The following SCHIP1 variants were observed in gnomAD, a reference collection of about 807,000 sequenced individuals.
The protein encoded by SCHIP1 is schwannomin-interacting protein 1.
Under a neutral mutation model 29.7 loss-of-function variants are expected in SCHIP1, and 8 were observed. That is an observed-to-expected ratio of 0.27 (90% CI 0.16 to 0.49). The LOEUF is 0.49. Among genes scored for constraint, SCHIP1 ranks in the 20% least tolerant of loss-of-function variants. The pLI, the probability that SCHIP1 is intolerant of heterozygous loss-of-function variation, is 0.99. For missense variants in SCHIP1, 193 were observed against 294.6 expected (o/e 0.66, Z 2.52); for synonymous variants, 76 against 94.9 (o/e 0.80, Z 1.16).
the SCHIP1 span, among the ~76,000 whole-genome samples, chr3:159,355,890 G>C: frequency 2.0e-5 from 3 of 152,078 alleles, no homozygotes; most frequent in African/African-American, 7.2e-5. Flanking sequence ...CTTTATTTTA[G>C]AAATTAGAAG....
At chr3:159,631,970 A>G in the SCHIP1 span, among the ~76,000 whole-genome samples, 2 of 152,126 alleles carry the variant, frequency 1.3e-5, no homozygotes, top group East Asian at 1.9e-4. Flanking sequence ...TCCTTAATGA[A>G]TATGTATTCT....
At chr3:159,402,689 C>A in the SCHIP1 span, among the ~76,000 whole-genome samples, 6 of 152,080 alleles carry the variant, frequency 3.9e-5, no homozygotes, top group African/African-American at 7.2e-5. Flanking sequence ...GGACAAAAAA[C>A]CAAACATTGC....
the SCHIP1 span, among the ~76,000 whole-genome samples, chr3:159,284,253 A>T: frequency 7.2e-5 from 11 of 152,290 alleles, no homozygotes; most frequent in African/African-American, 2.6e-4. Flanking sequence ...CTACAATATC[A>T]TAAGTAAATT....
the SCHIP1 span, among the ~76,000 whole-genome samples, chr3:159,445,045 G>A: frequency 6.6e-6 from 1 of 151,986 alleles, no homozygotes; most frequent in Non-Finnish European, 1.5e-5. Context: ...TTAAACTAAA[G>A]AGCTTCTGCA....
chr3:159,376,183 G>A, the SCHIP1 span, among the ~76,000 whole-genome samples: 1 of 152,230 alleles, frequency 6.6e-6, no homozygotes, highest in Middle Eastern at 3.4e-3. Flanking sequence ...TTAGAAAAAG[G>A]CTACTTACTT....
At chr3:159,626,247 TCTATATAGATAGATAG>T in the SCHIP1 span, among the ~76,000 whole-genome samples, 8,269 of 110,590 alleles carry the variant, frequency 0.075, 375 homozygotes, top group Non-Finnish European at 0.098. Context: ...TATCTATCTA[TCTATATAGATAGATAG>T]ATAGATAGAT....
the SCHIP1 span, among the ~76,000 whole-genome samples, chr3:159,586,171 AATG>A: frequency 2.6e-5 from 4 of 152,162 alleles, no homozygotes; most frequent in Non-Finnish European, 5.9e-5. Context: ...AGGGAAACTG[AATG>A]ATAAGGACAT....
chr3:159,550,787 C>G, the SCHIP1 span, among the ~76,000 whole-genome samples: 4 of 152,142 alleles, frequency 2.6e-5, no homozygotes, highest in South Asian at 6.2e-4. Flanking sequence ...GCAGACTTAA[C>G]TATTGCCAGA....
the SCHIP1 span, among the ~76,000 whole-genome samples, chr3:159,588,227 G>A: frequency 2.6e-4 from 39 of 152,286 alleles, no homozygotes; most frequent in Non-Finnish European, 4.6e-4. Flanking sequence ...CAGTGATGAT[G>A]AGCATTTTTT....
the SCHIP1 span, among the ~76,000 whole-genome samples, chr3:159,406,088 C>G: frequency 6.6e-6 from 1 of 151,260 alleles, no homozygotes; most frequent in African/African-American, 2.4e-5. Context: ...CTTCCTAAAC[C>G]TAGAGGAAGA....
chr3:159,716,832 A>G, the SCHIP1 span, among the ~76,000 whole-genome samples: 2 of 152,192 alleles, frequency 1.3e-5, no homozygotes, highest in South Asian at 4.1e-4. Flanking sequence ...CAGATCAACG[A>G]GACAGAAAGT....
chr3:159,694,482 G>C, the SCHIP1 span, among the ~76,000 whole-genome samples: 4 of 151,320 alleles, frequency 2.6e-5, no homozygotes, highest in South Asian at 2.1e-4. Context: ...TTGTGCTACT[G>C]CTCTTCAGCC....
the SCHIP1 span, among the ~76,000 whole-genome samples, chr3:159,457,551 T>C: frequency 1.3e-5 from 2 of 152,106 alleles, no homozygotes; most frequent in Non-Finnish European, 2.9e-5. Flanking sequence ...ATAAAGAGAA[T>C]GTTTAGTTTT....
the SCHIP1 span, among the ~76,000 whole-genome samples, chr3:159,462,349 G>A: frequency 1.1e-3 from 169 of 152,234 alleles, 4 homozygotes; most frequent in Admixed American, 0.011. Flanking sequence ...AAGATTGACC[G>A]AAGAGATCTC....
the SCHIP1 span, among the ~76,000 whole-genome samples, chr3:159,777,474 C>T: frequency 6.6e-6 from 1 of 151,914 alleles, no homozygotes; most frequent in Non-Finnish European, 1.5e-5. Flanking sequence ...AGACCCACTA[C>T]ACACCTCTAT....
chr3:159,536,645 T>C, the SCHIP1 span, among the ~76,000 whole-genome samples: 3 of 152,100 alleles, frequency 2.0e-5, no homozygotes, highest in Non-Finnish European at 4.4e-5. Flanking sequence ...AGCAGAATGT[T>C]AGAGAAGACT....
chr3:159,283,117 T>C, the SCHIP1 span, among the ~76,000 whole-genome samples: 4 of 152,128 alleles, frequency 2.6e-5, no homozygotes, highest in Non-Finnish European at 5.9e-5. Flanking sequence ...CGAATAGATA[T>C]AGATATCAGG....
At chr3:159,283,245 T>G in the SCHIP1 span, among the ~76,000 whole-genome samples, 1 of 152,148 alleles carries the variant, frequency 6.6e-6, no homozygotes, top group South Asian at 2.1e-4. Flanking sequence ...CTCCGCCTCC[T>G]GGGTTCAAGT....
intron 4 of SCHIP1, 54 bp downstream of exon 5, chr3:159,887,959 A>G (rs909255766): frequency 1.3e-6 from 2 of 1,599,584 alleles, no homozygotes; most frequent in African/African-American, 1.3e-5. Flanking sequence ...GAAATGGTTG[A>G]CACTGTCCCA....
Sources: gnomAD v4.1 joint callset for allele counts (sites outside exome capture counted in the v4.1 genomes callset) on GRCh38, gnomAD v4.1.1 for gene constraint, MANE v1.5 for transcripts, NCBI Gene and HGNC (gene_info 2026-07-23, HGNC 2026-07-21) for gene names.